Variants in SLC2A13 observed in about 807,000 individuals in gnomAD.
The protein encoded by SLC2A13 is solute carrier family 2 member 13.
In SLC2A13, 32 loss-of-function variants were observed where a neutral mutation model predicts 64.4. The ratio of observed to expected loss-of-function variants is 0.50; its 90% confidence interval spans 0.37 to 0.67. SLC2A13 has a LOEUF of 0.67. SLC2A13 is among the 30% of genes least tolerant of loss of function. The pLI is 0.00. For synonymous variants in SLC2A13, 338 were observed against 327.1 expected, an observed-to-expected ratio of 1.03 and a Z score of -0.36; for missense variants, 743 against 829.2, an observed-to-expected ratio of 0.90 and a Z score of 1.28.
At chr12:39,788,083 A>T (rs1295255081) in intron 7 of SLC2A13, among the ~76,000 whole-genome samples, 2 of 152,134 alleles carry the variant, frequency 1.3e-5, no homozygotes, top group African/African-American at 4.8e-5. Flanking sequence ...GGGTATATAA[A>T]CAAAAATTAT....
chr12:39,801,339 TA>T lies in SLC2A13; in HGVS notation c.1445+28763del, dbSNP rs34671641. Among the ~76,000 whole-genome samples the T allele has an allele frequency of 1.4e-3, 179 of 126,838 alleles. 1 individual carries two copies. The highest frequency in any genetic ancestry group is 8.6e-3 in the East Asian group (38 of 4,426). The allele number at this position is 126,838 out of a possible 152,430, so 83.2% of individuals were successfully genotyped here. ...TTTTTGAATAAATGAATGAGGAAATTAAAAAAAAAAAAAAAAAAAAAGAAAG... is the reference window on the plus strand; with the variant it reads ...TTTTTGAATAAATGAATGAGGAAATTAAAAAAAAAAAAAAAAAAAAGAAAG... On this transcript the variant is annotated intron_variant, in intron 7 of 9. Transcript: ENST00000280871.
intron 3 of SLC2A13, among the ~76,000 whole-genome samples, chr12:40,012,434 G>A (rs185322680): frequency 5.1e-4 from 77 of 152,294 alleles, no homozygotes; most frequent in African/African-American, 1.7e-3. Flanking sequence ...TTTGGCAAGC[G>A]TCTTCACTCC....
intron 5 of SLC2A13, among the ~76,000 whole-genome samples, chr12:39,869,091 T>C (rs770183388): frequency 2.6e-5 from 4 of 152,226 alleles, no homozygotes; most frequent in Admixed American, 6.5e-5. Flanking sequence ...TAGAACCGTA[T>C]GTTAGTACTA....
intron 4 of SLC2A13, among the ~76,000 whole-genome samples, chr12:39,877,208 A>G (rs1944208196): frequency 6.6e-6 from 1 of 152,168 alleles, no homozygotes; most frequent in Non-Finnish European, 1.5e-5. Context: ...ATTTATAAAT[A>G]AAAAGAGGTT....
chr12:40,020,413 T>C (rs920134412), intron 3 of SLC2A13, among the ~76,000 whole-genome samples: 1 of 152,204 alleles, frequency 6.6e-6, no homozygotes, highest in Middle Eastern at 3.2e-3. Flanking sequence ...CTCTCTCTCC[T>C]GCGGCCATGT....
chr12:40,007,537 C>T (rs1010216246), intron 3 of SLC2A13, among the ~76,000 whole-genome samples: 2 of 151,996 alleles, frequency 1.3e-5, no homozygotes. Flanking sequence ...TAAAATTAAG[C>T]ATAATCCCAG....
At chr12:39,935,162 G>T (rs571008497) in intron 4 of SLC2A13, among the ~76,000 whole-genome samples, 1 of 152,240 alleles carries the variant, frequency 6.6e-6, no homozygotes, top group East Asian at 1.9e-4. Context: ...GGCAGAGGTG[G>T]GAAGATAGCT....
At chr12:39,983,032 C>T (rs965435751) in intron 3 of SLC2A13, among the ~76,000 whole-genome samples, 123 of 148,788 alleles carry the variant, frequency 8.3e-4, no homozygotes, top group South Asian at 2.2e-3. Context: ...CGCATACCTA[C>T]AACTATCTGA....
intron 1 of SLC2A13, among the ~76,000 whole-genome samples, chr12:40,066,829 G>A (rs563851608): frequency 6.6e-6 from 1 of 152,228 alleles, no homozygotes; most frequent in East Asian, 1.9e-4. Context: ...TTCATGAAAA[G>A]ATAACAGAGC....
intron 5 of SLC2A13, among the ~76,000 whole-genome samples, chr12:39,865,294 A>G (rs578040480): frequency 3.3e-4 from 50 of 152,328 alleles, no homozygotes; most frequent in African/African-American, 1.1e-3. Flanking sequence ...GTGCCAAGAA[A>G]ATTCTTCTAA....
chr12:39,931,634 G>A (rs1945827412), intron 4 of SLC2A13, among the ~76,000 whole-genome samples: 1 of 152,092 alleles, frequency 6.6e-6, no homozygotes. Flanking sequence ...AGGCAAAAGA[G>A]GATTTTGTTT....
Position 39,864,812 on chromosome 12 carries a change from A to C in SLC2A13, c.1269T>G (p.Thr423=). The part of the protein sequence containing the change: ...VLSAQVSPRI[T]FKPIAPSGQN... ...GACCTGACGGAGCTATTGGCTTAAA[A>C]GTGATGCGTGGGGAAACTTGGGCTG... The change falls in exon 6 of 10, where the codon ACT becomes ACG. Residue 423 remains threonine, a synonymous_variant. Transcript: ENST00000280871. 1 of 1,614,130 alleles carries C rather than the reference A, an allele frequency of 6.2e-7. No individual in the cohort carries two copies. Among genetic ancestry groups the C allele is most frequent in the Non-Finnish European group, 8.5e-7 (1 of 1,179,980 alleles).
intron 1 of SLC2A13, among the ~76,000 whole-genome samples, chr12:40,084,362 C>CT (rs1938522263): frequency 1.3e-5 from 2 of 152,232 alleles, no homozygotes; most frequent in South Asian, 4.1e-4. Flanking sequence ...CACAAAGCCA[C>CT]TTTTTAATGC....
chr12:39,790,021 T>A (rs1472805306), intron 7 of SLC2A13, among the ~76,000 whole-genome samples: 8 of 152,030 alleles, frequency 5.3e-5, no homozygotes, highest in Non-Finnish European at 1.0e-4. Flanking sequence ...ACAGGTGAAG[T>A]TAATTTTAGT....
At chr12:39,822,113 C>T (rs927576665) in intron 7 of SLC2A13, among the ~76,000 whole-genome samples, 6 of 135,332 alleles carry the variant, frequency 4.4e-5, no homozygotes, top group African/African-American at 1.7e-4. Context: ...TGTTCCCCTT[C>T]CTATGTCCAT....
At chr12:39,813,661 A>C (rs1180772808) in intron 7 of SLC2A13, among the ~76,000 whole-genome samples, 6 of 152,192 alleles carry the variant, frequency 3.9e-5, no homozygotes, top group Non-Finnish European at 5.9e-5. Context: ...CAAGATTCAA[A>C]TAAGGCCCAT....
intron 1 of SLC2A13, among the ~76,000 whole-genome samples, chr12:40,080,391 A>T (rs1565618670): frequency 1.3e-5 from 2 of 151,918 alleles, no homozygotes; most frequent in East Asian, 1.9e-4. Context: ...TTTATGTTCA[A>T]GGTTTTGTTT....
chr12:39,902,246 C>T (rs745335412), intron 4 of SLC2A13, among the ~76,000 whole-genome samples: 42 of 150,470 alleles, frequency 2.8e-4, no homozygotes, highest in African/African-American at 9.3e-4. Flanking sequence ...TGCTAAATGA[C>T]GAATTAATGG....
chr12:39,900,338 C>A (rs1179204263), intron 4 of SLC2A13, among the ~76,000 whole-genome samples: 1 of 152,052 alleles, frequency 6.6e-6, no homozygotes, highest in African/African-American at 2.4e-5. Flanking sequence ...AAGTTCTGGC[C>A]AGGGCGATTA....
Sources: allele counts gnomAD v4.1 joint callset (sites outside exome capture counted in the v4.1 genomes callset), GRCh38; gene constraint gnomAD v4.1.1; transcripts MANE v1.5; gene names NCBI Gene and HGNC (gene_info 2026-07-23, HGNC 2026-07-21).